The following KCNQ5 variants were observed in gnomAD, a reference collection of about 807,000 sequenced individuals.
KCNQ5 encodes potassium voltage-gated channel subfamily Q member 5, also known as potassium voltage-gated channel subfamily KQT member 5.
In KCNQ5, 30 loss-of-function variants were observed where a neutral mutation model predicts 98.2. That is an observed-to-expected ratio of 0.31 (90% CI 0.23 to 0.41). The LOEUF (loss-of-function observed/expected upper bound fraction) is 0.41. KCNQ5 is among the 10% of genes least tolerant of loss of function. KCNQ5 has a pLI of 1.00. For missense variants in KCNQ5, 835 were observed against 1,182.5 expected (o/e 0.71, Z 4.31); for synonymous variants, 458 against 449.4 (o/e 1.02, Z -0.24).
intron 5 of KCNQ5, among the ~76,000 whole-genome samples, chr6:73,079,769 C>A (rs1773691207): frequency 1.3e-5 from 2 of 152,168 alleles, no homozygotes; most frequent in Admixed American, 1.3e-4. Context: ...ATCTGACACT[C>A]TTAAAATACT....
At chr6:73,134,719 T>C (rs888494278) in intron 10 of KCNQ5, 2 of 152,494 alleles carry the variant, frequency 1.3e-5, no homozygotes, top group Admixed American at 6.5e-5. Context: ...TGCACTGACG[T>C]GGCTCCTCCT....
intron 1 of KCNQ5, among the ~76,000 whole-genome samples, chr6:72,988,649 CTT>C (rs71540364): frequency 9.4e-5 from 12 of 127,842 alleles, no homozygotes; most frequent in African/African-American, 2.3e-4. Flanking sequence ...GCATGATTTT[CTT>C]TTTTTTTTTT....
intron 3 of KCNQ5, among the ~76,000 whole-genome samples, chr6:73,060,603 G>A (rs754601925): frequency 2.6e-5 from 4 of 151,898 alleles, no homozygotes; most frequent in East Asian, 1.9e-4. Context: ...AAACAGCAAC[G>A]TCAAAAGACA....
chr6:72,955,583 ATATT>A (rs1767003031), intron 1 of KCNQ5, among the ~76,000 whole-genome samples: 1 of 152,168 alleles, frequency 6.6e-6, no homozygotes, highest in African/African-American at 2.4e-5. Context: ...AATCCACTCT[ATATT>A]TGTTGGGTTA....
At chr6:72,688,586 T>G (rs563596659) in intron 1 of KCNQ5, among the ~76,000 whole-genome samples, 1 of 152,346 alleles carries the variant, frequency 6.6e-6, no homozygotes, top group Non-Finnish European at 1.5e-5. Context: ...TCTGTTAAAA[T>G]TATTGTTGAT....
At chr6:72,818,009 C>T (rs1775578375) in intron 1 of KCNQ5, among the ~76,000 whole-genome samples, 3 of 151,996 alleles carry the variant, frequency 2.0e-5, no homozygotes, top group African/African-American at 7.2e-5. Context: ...AAGCAAAATC[C>T]CTTCCATAAA....
intron 1 of KCNQ5, among the ~76,000 whole-genome samples, chr6:72,635,670 G>GTTTTTTTTTTTT (rs528990234): frequency 3.1e-5 from 2 of 65,072 alleles, no homozygotes; most frequent in African/African-American, 6.7e-5. Flanking sequence ...ATTGCTCCTA[G>GTTTTTTTTTTTT]TTTTTTTTTT....
At chr6:73,188,001 G>A (rs1486287844) in intron 11 of KCNQ5, among the ~76,000 whole-genome samples, 1 of 151,970 alleles carries the variant, frequency 6.6e-6, no homozygotes, top group Non-Finnish European at 1.5e-5. Flanking sequence ...TTCACATCTG[G>A]GCAGATGCGT....
At chr6:73,128,409 T>C (rs1160082723) in intron 9 of KCNQ5, among the ~76,000 whole-genome samples, 9 of 152,248 alleles carry the variant, frequency 5.9e-5, no homozygotes, top group Non-Finnish European at 4.4e-5. Flanking sequence ...TCTGTTTTGA[T>C]ATAAATTGTC....
chr6:73,184,744 T>C (rs12661161), intron 11 of KCNQ5, among the ~76,000 whole-genome samples: 4,718 of 152,288 alleles, frequency 0.031, 108 homozygotes, highest in East Asian at 0.1. Flanking sequence ...ACTTGGTGCT[T>C]GAGCTGAATC....
chr6:72,909,263 T>C (rs1779825195), intron 1 of KCNQ5, among the ~76,000 whole-genome samples: 1 of 152,052 alleles, frequency 6.6e-6, no homozygotes, highest in African/African-American at 2.4e-5. Flanking sequence ...GAAAATAGCT[T>C]TGGGGCAGAC....
chr6:72,883,520 T>C (rs904715606), intron 1 of KCNQ5, among the ~76,000 whole-genome samples: 1 of 151,824 alleles, frequency 6.6e-6, no homozygotes, highest in African/African-American at 2.4e-5. Context: ...AGAAAAGAAA[T>C]AAAAAGAAGA....
chr6:73,171,319 G>A (rs1354920927), intron 11 of KCNQ5, among the ~76,000 whole-genome samples: 2 of 152,170 alleles, frequency 1.3e-5, no homozygotes, highest in East Asian at 3.8e-4. Context: ...TATGCCTCTA[G>A]TCTCATCATA....
intron 5 of KCNQ5, among the ~76,000 whole-genome samples, chr6:73,097,997 A>C (rs1578674): frequency 0.96 from 145,662 of 152,220 alleles, 69,690 homozygotes; most frequent in South Asian, 0.98. Context: ...ACCTCAAGAT[A>C]ATCCAGGAAA....
intron 1 of KCNQ5, among the ~76,000 whole-genome samples, chr6:72,782,824 C>T (rs79546634): frequency 0.014 from 2,168 of 152,218 alleles, 32 homozygotes; most frequent in South Asian, 0.056. Context: ...TAGGCTCTTA[C>T]GTGCCTTATC....
chr6:73,177,923 T>G (rs1778274252), intron 11 of KCNQ5, among the ~76,000 whole-genome samples: 1 of 152,204 alleles, frequency 6.6e-6, no homozygotes. Context: ...TAAAGTAGTG[T>G]TTTCACTGAA....
At chr6:72,831,492 CAT>C (rs980468852) in intron 1 of KCNQ5, among the ~76,000 whole-genome samples, 11 of 151,190 alleles carry the variant, frequency 7.3e-5, no homozygotes, top group Non-Finnish European at 1.5e-4. Flanking sequence ...AAAAAACAAA[CAT>C]CGCATGTTCT....
At chr6:73,072,368 A>G (rs903703956) in intron 3 of KCNQ5, among the ~76,000 whole-genome samples, 1 of 152,216 alleles carries the variant, frequency 6.6e-6, no homozygotes, top group African/African-American at 2.4e-5. Flanking sequence ...ACATTGAGCC[A>G]TGTTATACTT....
At chr6:72,862,771 G>A (rs1444453875) in intron 1 of KCNQ5, among the ~76,000 whole-genome samples, 1 of 151,956 alleles carries the variant, frequency 6.6e-6, no homozygotes, top group Non-Finnish European at 1.5e-5. Context: ...GGGACTACAG[G>A]CACTCAGCAC....
Sources: gnomAD v4.1 joint callset for allele counts (sites outside exome capture counted in the v4.1 genomes callset) on GRCh38, gnomAD v4.1.1 for gene constraint, MANE v1.5 for transcripts, NCBI Gene and HGNC (gene_info 2026-07-23, HGNC 2026-07-21) for gene names.